Variants in BCAS4 observed in about 807,000 individuals in gnomAD.
BCAS4 encodes breast carcinoma amplified sequence 4, also known as breast carcinoma-amplified sequence 4.
In BCAS4, 9 loss-of-function variants were observed where a neutral mutation model predicts 15.7. The ratio of observed to expected loss-of-function variants is 0.57; its 90% CI spans 0.34 to 1.00. The LOEUF (loss-of-function observed/expected upper bound fraction) is 1.00. Among genes scored for constraint, BCAS4 ranks in the 50% least tolerant of loss-of-function variants. The probability of loss-of-function intolerance (pLI) is 0.02; values close to 1 mark genes in which losing one functional copy is unlikely to be tolerated. For missense variants in BCAS4, 225 were observed against 239.1 expected (o/e 0.94, Z 0.39); for synonymous variants, 101 against 99.5 (o/e 1.02, Z -0.09).
At chr20:50,827,644 C>G (rs982251048) in intron 2 of BCAS4, among the ~76,000 whole-genome samples, 1 of 152,180 alleles carries the variant, frequency 6.6e-6, no homozygotes, top group Non-Finnish European at 1.5e-5. Context: ...TTTTGTGGAA[C>G]ACTTTCTTGC....
At chr20:50,857,728 A>G (rs961559004) in intron 4 of BCAS4, among the ~76,000 whole-genome samples, 2 of 152,154 alleles carry the variant, frequency 1.3e-5, no homozygotes, top group Non-Finnish European at 2.9e-5. Flanking sequence ...TTCCACCCTT[A>G]TTCCCATAAG....
chr20:50,816,693 G>A (rs924384697), intron 1 of BCAS4, among the ~76,000 whole-genome samples: 1 of 150,664 alleles, frequency 6.6e-6, no homozygotes, highest in African/African-American at 2.4e-5. Context: ...TTCTCACTCT[G>A]TCGCCCAGCC....
chr20:50,816,317 C>T (rs543758313), intron 1 of BCAS4, among the ~76,000 whole-genome samples: 2 of 152,354 alleles, frequency 1.3e-5, no homozygotes, highest in South Asian at 2.1e-4. Context: ...TGAGCCACTA[C>T]GCCTGGCCAA....
chr20:50,866,940 G>T (rs1408862377), intron 4 of BCAS4, among the ~76,000 whole-genome samples: 2 of 152,182 alleles, frequency 1.3e-5, no homozygotes, highest in African/African-American at 4.8e-5. Context: ...TCGCGGGCCG[G>T]GCACTCTGTA....
chr20:50,819,650 G>C (rs569334649), intron 2 of BCAS4, among the ~76,000 whole-genome samples: 1 of 152,060 alleles, frequency 6.6e-6, no homozygotes, highest in African/African-American at 2.4e-5. Context: ...GGACCTATAT[G>C]GTTTCTTCTC....
chr20:50,843,195 G>A (rs191013770), intron 4 of BCAS4, among the ~76,000 whole-genome samples: 208 of 152,140 alleles, frequency 1.4e-3, no homozygotes, highest in Middle Eastern at 6.8e-3. Flanking sequence ...GGACTTCAGC[G>A]ATCCTCCTGC....
At chr20:50,796,273 G>A (rs1488030912) in intron 1 of BCAS4, among the ~76,000 whole-genome samples, 3 of 147,952 alleles carry the variant, frequency 2.0e-5, no homozygotes, top group Admixed American at 6.8e-5. Flanking sequence ...GGAGGCTGAG[G>A]CAGGAGGATC....
At chr20:50,818,735 G>T (rs765768197) in intron 2 of BCAS4, among the ~76,000 whole-genome samples, 1 of 152,254 alleles carries the variant, frequency 6.6e-6, no homozygotes, top group African/African-American at 2.4e-5. Context: ...GCCCGTGGTG[G>T]AGTTGGGCAT....
chr20:50,864,529 C>G (rs1979259660), intron 4 of BCAS4, among the ~76,000 whole-genome samples: 1 of 151,110 alleles, frequency 6.6e-6, no homozygotes, highest in Non-Finnish European at 1.5e-5. Context: ...ACCTCCACCT[C>G]CCAGGTCCAA....
chr20:50,841,094 T>A (rs772745908), intron 3 of BCAS4, among the ~76,000 whole-genome samples: 22 of 152,184 alleles, frequency 1.4e-4, no homozygotes, highest in Admixed American at 6.5e-4. Context: ...CCTCCCAAAG[T>A]GCTGGGATTA....
At chr20:50,855,719 G>C (rs1276048169) in intron 4 of BCAS4, among the ~76,000 whole-genome samples, 1 of 152,144 alleles carries the variant, frequency 6.6e-6, no homozygotes. Context: ...CAGGGCATAA[G>C]TGCGCCCACA....
intron 1 of BCAS4, among the ~76,000 whole-genome samples, chr20:50,795,562 G>T (rs1314586565): frequency 6.6e-6 from 1 of 152,232 alleles, no homozygotes; most frequent in African/African-American, 2.4e-5. Context: ...GGGCCGCGCT[G>T]CGCTGCTGCA....
At chr20:50,861,678 TCCCTTTCCCATCTCCCCCCGCTCCAGC>T (rs1176115491) in intron 4 of BCAS4, among the ~76,000 whole-genome samples, 2 of 151,928 alleles carry the variant, frequency 1.3e-5, no homozygotes, top group Admixed American at 1.3e-4. Flanking sequence ...CTACCCCAGC[TCCCTTTCCCATCTCCCCCCGCTCCAGC>T]CCCTTTCCCC....
At chr20:50,854,402 A>C (rs919944929) in intron 4 of BCAS4, among the ~76,000 whole-genome samples, 16 of 152,070 alleles carry the variant, frequency 1.1e-4, no homozygotes, top group African/African-American at 3.9e-4. Flanking sequence ...AGTTGTGGAG[A>C]GTGGCGTGCT....
At chr20:50,875,021 G>T (rs141198240) in intron 4 of BCAS4, among the ~76,000 whole-genome samples, 1 of 152,154 alleles carries the variant, frequency 6.6e-6, no homozygotes, top group Non-Finnish European at 1.5e-5. Flanking sequence ...CCAACCAGGA[G>T]CAGTAGCCCG....
chr20:50,861,845 C>T (rs1281453616), intron 4 of BCAS4, among the ~76,000 whole-genome samples: 2 of 142,696 alleles, frequency 1.4e-5, no homozygotes, highest in African/African-American at 2.6e-5. Context: ...TTCTTCTTCT[C>T]CTTTTTTTTT....
At chr20:50,796,590 G>A (rs1444517562) in intron 1 of BCAS4, among the ~76,000 whole-genome samples, 2 of 130,260 alleles carry the variant, frequency 1.5e-5, no homozygotes, top group Non-Finnish European at 3.1e-5. Context: ...CGCCTCCCAG[G>A]TTCAAGGAAT....
chr20:50,827,937 T>C (rs61496224), intron 2 of BCAS4, among the ~76,000 whole-genome samples: 2,454 of 152,246 alleles, frequency 0.016, 57 homozygotes, highest in African/African-American at 0.056. Flanking sequence ...ATTTTGGCTG[T>C]GGCTAGTCTT....
intron 4 of BCAS4, among the ~76,000 whole-genome samples, chr20:50,857,411 T>C (rs1600893722): frequency 1.3e-5 from 2 of 152,168 alleles, no homozygotes; most frequent in Non-Finnish European, 2.9e-5. Context: ...GATTACAGGC[T>C]TGAGCCACCT....
Sources: gnomAD v4.1 joint callset for allele counts (sites outside exome capture counted in the v4.1 genomes callset) on GRCh38, gnomAD v4.1.1 for gene constraint, MANE v1.5 for transcripts, NCBI Gene and HGNC (gene_info 2026-07-23, HGNC 2026-07-21) for gene names.